Variants in COL27A1 observed in about 807,000 individuals in gnomAD.
COL27A1 encodes the protein collagen alpha-1(XXVII) chain.
In COL27A1, 106 loss-of-function variants were observed where a neutral mutation model predicts 251.3. The ratio of observed to expected loss-of-function variants is 0.42; its 90% confidence interval spans 0.36 to 0.50. The LOEUF is 0.50. Among genes scored for constraint, COL27A1 ranks in the 20% least tolerant of loss-of-function variants. COL27A1 has a pLI of 0.00. For missense variants in COL27A1, 2,325 were observed against 2,522.8 expected (o/e 0.92, Z 1.68); for synonymous variants, 1,000 against 986.3 (o/e 1.01, Z -0.26).
intron 14 of COL27A1, among the ~76,000 whole-genome samples, chr9:114,229,732 C>T (rs1398698199): frequency 6.6e-6 from 1 of 152,182 alleles, no homozygotes; most frequent in Non-Finnish European, 1.5e-5. Context: ...TGAGTGCAGA[C>T]TTAATGTTAT....
chr9:114,240,106 G>A (rs1369516790), intron 19 of COL27A1, 114 bp from the exon 20 acceptor site: 44 of 930,462 alleles, frequency 4.7e-5, no homozygotes, highest in Admixed American at 1.7e-5. Flanking sequence ...ACCTGCCTGG[G>A]GTCCCATCCC....
Position 114,237,002 on chromosome 9 carries a change from T to C in COL27A1, c.2641T>C (p.Phe881Leu). The change falls in exon 18 of 61, where the codon TTC becomes CTC. Residue 881 changes from phenylalanine (F) to leucine (L), a missense_variant. Physicochemically the swap from Phe to Leu is conservative, Grantham distance 22 (BLOSUM62 0). Coordinates refer to ENST00000356083, the MANE Select transcript of COL27A1 (RefSeq NM_032888.4). ...GDKGSQGLPGFPGARGKPGPL... is the reference protein window; with the variant it reads ...GDKGSQGLPGLPGARGKPGPL... The stretch of plus-strand genomic sequence containing the variant: ...CCAGGGGAGCCAGGGGTTGCCAGGG[T>C]TCCCCGGTGCACGGGGGAAGCCAGG... The C allele has an allele frequency of 6.2e-7, 1 of 1,612,632 alleles. No individual in the cohort carries two copies. The highest frequency in any genetic ancestry group is 8.5e-7 in the Non-Finnish European group (1 of 1,179,306).
In COL27A1 at chr9:114,178,344, G is replaced by A; in HGVS notation, c.1962G>A (p.Arg654=). 6.2e-7 allele frequency: 1 copy of A among 1,613,904 alleles called. No individual in the cohort carries two copies. Among genetic ancestry groups the A allele is most frequent in the African/African-American group, 1.3e-5 (1 of 75,020 alleles). ...LPGIPGARGP[R]GPPGPYGNPG... is the part of the protein sequence containing the mutation. ...GAATCCCTGGTGCACGTGGGCCTCG[G>A]GTGAGTTATCTCACACTGTCCTTTG... The change falls in exon 4 of 61, where the codon CGG becomes CGA. Residue 654 remains arginine (R), a splice_region_variant and synonymous_variant. Transcript: ENST00000356083.
At chr9:114,184,583 T>G (rs1828187350) in intron 5 of COL27A1, among the ~76,000 whole-genome samples, 1 of 152,200 alleles carries the variant, frequency 6.6e-6, no homozygotes, top group South Asian at 2.1e-4. Context: ...GCTTAGCAGC[T>G]GCCTGGAGGT....
At chr9:114,201,342 A>C (rs1564461195) in intron 7 of COL27A1, among the ~76,000 whole-genome samples, 1 of 152,198 alleles carries the variant, frequency 6.6e-6, no homozygotes, top group Non-Finnish European at 1.5e-5. Flanking sequence ...GCACAAGATA[A>C]TGGTTTAGAT....
chr9:114,209,681 A>C lies in COL27A1; in HGVS notation c.2275A>C (p.Ile759Leu), dbSNP rs138572438. Reference protein sequence around the residue: ...DPGPKGSRGYIGLPGLFGLPG... With the variant: ...DPGPKGSRGYLGLPGLFGLPG... ...CCTTTCTTCTCTTTCCTAGGGCTACATTGGGCTCCCAGGGCTCTTCGGCCT... is the reference window on the plus strand; with the variant it reads ...CCTTTCTTCTCTTTCCTAGGGCTACCTTGGGCTCCCAGGGCTCTTCGGCCT... Residue 759 changes from isoleucine (I) to leucine (L), a missense_variant, in exon 11 of 61, where the codon ATT becomes CTT. Ile to Leu is a conservative substitution (Grantham distance 5). This residue lies in a region of COL27A1 where 1,183 missense variants were observed against 1,144.1 expected (regional missense o/e 1.03). Transcript: ENST00000356083. The C allele has an allele frequency of 7.8e-5, 126 of 1,614,094 alleles. No homozygotes were observed. The African/African-American group carries it at 1.5e-3, about 20-fold the overall frequency.
At chr9:114,193,177 G>A (rs1243345693) in intron 5 of COL27A1, among the ~76,000 whole-genome samples, 3 of 152,162 alleles carry the variant, frequency 2.0e-5, no homozygotes, top group African/African-American at 7.2e-5. Flanking sequence ...GGCTCAAGGT[G>A]GGATAGGAAT....
Position 114,250,555 on chromosome 9 carries a change from G to C in COL27A1, c.2980-60G>C. The stretch of plus-strand genomic sequence containing the variant: ...GGAGATGAGCTTCAGGGGAAGGAGC[G>C]GGAGGGCTGGGTCCCCGGATTCACG... On this transcript the variant is annotated intron_variant, in intron 24 of 60. Transcript: ENST00000356083. The C allele has an allele frequency of 5.3e-6, 8 of 1,497,094 alleles. No individual in the cohort carries two copies. In the South Asian group the frequency reaches 9.1e-5, roughly 17 times the overall value. 92.7% of individuals were successfully genotyped at this position (1,497,094 alleles called of 1,614,324 possible). A position where few individuals can be genotyped will look rare whatever the true frequency, so the allele number is the denominator to read the frequency against.
At chr9:114,177,168 A>G (rs554371233) in intron 3 of COL27A1, among the ~76,000 whole-genome samples, 29 of 152,178 alleles carry the variant, frequency 1.9e-4, no homozygotes, top group Non-Finnish European at 3.7e-4. Context: ...TCTGAGACTC[A>G]GATAAGTGGG....
chr9:114,193,406 G>C (rs1353189529), intron 5 of COL27A1, among the ~76,000 whole-genome samples: 2 of 152,120 alleles, frequency 1.3e-5, no homozygotes, highest in African/African-American at 2.4e-5. Context: ...CCTATGCTAG[G>C]CACAAAGAGT....
At chr9:114,195,854 T>A in intron 6 of COL27A1, 105 bp from the exon 7 acceptor site, 1 of 937,540 alleles carries the variant, frequency 1.1e-6, no homozygotes, top group South Asian at 1.3e-5. Context: ...TGAATCTCAT[T>A]TGGAAACAAC....
intron 27 of COL27A1, among the ~76,000 whole-genome samples, chr9:114,257,582 G>A (rs181689351): frequency 2.0e-5 from 3 of 151,682 alleles, no homozygotes; most frequent in Admixed American, 1.3e-4. Context: ...CTTGTCGTCT[G>A]TTCATCAAAA....
rs117720334 is a variant in COL27A1, at chr9:114,305,315, G to A, written c.4938+642G>A. ...CAGAGGGCTCACAGTCTAGGGTGGA[G>A]GACAGCATGGATGAGCCCCTTACCA... On this transcript the variant is annotated intron_variant, in intron 57 of 60. Transcript: ENST00000356083. Among the ~76,000 whole-genome samples the A allele has an allele frequency of 5.4e-3, 827 of 152,262 alleles. 3 individuals are homozygous for A. Among genetic ancestry groups the A allele is most frequent in the Non-Finnish European group, 7.2e-3 (488 of 68,014 alleles).
chr9:114,282,391 C>G (rs148528325), intron 38 of COL27A1, 61 bp downstream of exon 38: 1 of 1,601,036 alleles, frequency 6.2e-7, no homozygotes, highest in Admixed American at 1.7e-5. Flanking sequence ...TTCCCCACAT[C>G]CCTCCCCTCC....
chr9:114,156,873 C>A (rs1355324965), intron 1 of COL27A1, among the ~76,000 whole-genome samples: 1 of 152,096 alleles, frequency 6.6e-6, no homozygotes, highest in Non-Finnish European at 1.5e-5. Flanking sequence ...ATGCAAGCAG[C>A]CCGTTGGGGC....
chr9:114,310,754 G>C lies in COL27A1; in HGVS notation c.*59G>C. ...AGGAGGGAAGAGGAAGAGGCAAGGG[G>C]AGGGTACTGAGGGGCAGATGGCTCC... On this transcript the variant is annotated 3_prime_UTR_variant, in exon 61 of 61. Transcript: ENST00000356083. 2.5e-6 allele frequency: 4 copies of C among 1,577,546 alleles called. No homozygotes were observed. Among genetic ancestry groups the C allele is most frequent in the Non-Finnish European group, 3.5e-6 (4 of 1,152,386 alleles).
At chr9:114,275,556 T>C (rs960719678) in intron 36 of COL27A1, 105 bp from the exon 37 acceptor site, 10 of 697,888 alleles carry the variant, frequency 1.4e-5, no homozygotes, top group South Asian at 1.3e-4. Context: ...TAGGGACCAG[T>C]TGGCTGTGGA....
chr9:114,264,752 T>C (rs983768966), intron 29 of COL27A1, among the ~76,000 whole-genome samples, 172 bp from the exon 30 acceptor site: 2 of 151,896 alleles, frequency 1.3e-5, no homozygotes, highest in South Asian at 4.2e-4. Context: ...CTGGTGACGG[T>C]GGCGAGCCAC....
intron 49 of COL27A1, among the ~76,000 whole-genome samples, chr9:114,298,671 G>A (rs1409033541): frequency 6.6e-6 from 1 of 152,166 alleles, no homozygotes; most frequent in Non-Finnish European, 1.5e-5. Context: ...ATAGACCAAT[G>A]TAAAGGCTAA....
Sources: allele counts gnomAD v4.1 joint callset (sites outside exome capture counted in the v4.1 genomes callset), GRCh38; gene constraint gnomAD v4.1.1; regional missense constraint gnomAD v4.1.1; transcripts MANE v1.5; gene names NCBI Gene and HGNC (gene_info 2026-07-23, HGNC 2026-07-21).